Variants in PREX2 observed in about 807,000 individuals in gnomAD.
The protein encoded by PREX2 is phosphatidylinositol 3,4,5-trisphosphate-dependent Rac exchanger 2 protein.
PREX2 carries 107 observed loss-of-function variants against 203.2 expected under a neutral mutation model. The observed-to-expected ratio is 0.53, with a 90% CI of 0.45 to 0.62. The LOEUF (loss-of-function observed/expected upper bound fraction) is 0.62, where lower values mean the gene tolerates loss of function less well. PREX2 is among the 20% of genes least tolerant of loss of function. The pLI is 0.00. For synonymous variants in PREX2, 672 were observed against 663.6 expected (o/e 1.01, Z -0.19); for missense variants, 1,777 against 1,955.9 (o/e 0.91, Z 1.72).
Position 68,099,731 on chromosome 8 carries a change from C to T in PREX2, c.2603C>T (p.Thr868Ile), listed in dbSNP as rs756096317. The change falls in exon 23 of 40, where the codon ACC (threonine) becomes ATC (isoleucine). Residue 868 changes from threonine (T) to isoleucine (I), a missense_variant. By Grantham distance (89) the Thr-to-Ile change is moderately conservative. Transcript: ENST00000288368. ...GATGAGCATTTTGTACAAAACTGTACCAGCCTAAATTCTCTAAATGAAGTG... is the reference window on the plus strand; with the variant it reads ...GATGAGCATTTTGTACAAAACTGTATCAGCCTAAATTCTCTAAATGAAGTG... ...KSDEHFVQNC[T>I]SLNSLNEVIP... 4.5e-5 allele frequency: 72 copies of T among 1,613,690 alleles called. No individual in the cohort carries two copies. The highest frequency in any genetic ancestry group is 2.0e-4 in the Admixed American group (12 of 59,972).
In PREX2 at chr8:68,234,699, G is replaced by A. The variant is rs1813232992; in HGVS notation, c.*3321G>A. On this transcript the variant is annotated 3_prime_UTR_variant, in exon 40 of 40. Transcript: ENST00000288368. Reference sequence around the variant, plus strand: ...TATTTTATCAGTTCGCAAATCTGAAGTCTCATACTGTTTTCTGTCTCTTTA... The same window carrying A: ...TATTTTATCAGTTCGCAAATCTGAAATCTCATACTGTTTTCTGTCTCTTTA... 1 of 152,016 alleles carries A rather than the reference G, an allele frequency of 6.6e-6. No homozygotes were observed. The highest frequency in any genetic ancestry group is 2.1e-4 in the South Asian group (1 of 4,814). The allele number at this position is 152,016 out of a possible 1,614,324, so 9.4% of individuals were successfully genotyped here.
At chr8:68,098,864 A>G (rs969984464) in intron 22 of PREX2, among the ~76,000 whole-genome samples, 1 of 150,224 alleles carries the variant, frequency 6.7e-6, no homozygotes, top group Non-Finnish European at 1.5e-5. Context: ...TTCACAGAAT[A>G]TTATAAAATA....
At chr8:68,010,359 A>G (rs528544089) in intron 1 of PREX2, among the ~76,000 whole-genome samples, 255 of 152,266 alleles carry the variant, frequency 1.7e-3, no homozygotes, top group Non-Finnish European at 3.0e-3. Context: ...AGTCTGTTGG[A>G]TTGATTTACT....
At chr8:68,082,184 G>C (rs913388053) in intron 17 of PREX2, 1 of 152,152 alleles carries the variant, frequency 6.6e-6, no homozygotes, top group African/African-American at 2.4e-5. Context: ...TGTAGCCCAG[G>C]TATATCTAGT....
intron 1 of PREX2, among the ~76,000 whole-genome samples, chr8:68,014,056 T>C (rs907470164): frequency 1.3e-5 from 2 of 152,196 alleles, no homozygotes; most frequent in African/African-American, 4.8e-5. Flanking sequence ...GTTGAAATTA[T>C]AAAATAAGAA....
chr8:68,155,528 C>T (rs1811527300), intron 34 of PREX2, among the ~76,000 whole-genome samples: 1 of 152,068 alleles, frequency 6.6e-6, no homozygotes, highest in Admixed American at 6.6e-5. Context: ...TCCTATTTCC[C>T]CCCCTCAAAA....
At chr8:68,019,709 C>G (rs956385451) in intron 3 of PREX2, 38 bp downstream of exon 3, 1 of 1,577,006 alleles carries the variant, frequency 6.3e-7, no homozygotes, top group Non-Finnish European at 8.6e-7. Flanking sequence ...AGTTCTTTTC[C>G]CCTAGATTTT....
chr8:68,212,982 C>T (rs1432997396), intron 37 of PREX2, among the ~76,000 whole-genome samples: 1 of 152,128 alleles, frequency 6.6e-6, no homozygotes, highest in African/African-American at 2.4e-5. Flanking sequence ...ATTTCCCATC[C>T]TGGGGGCCTC....
In PREX2 at chr8:68,161,413, C is replaced by G. The variant is rs1327543840; in HGVS notation, c.4346+3977C>G. Among the ~76,000 whole-genome samples, 5 of 152,082 alleles carry G rather than the reference C, an allele frequency of 3.3e-5. No individual in the cohort carries two copies. The South Asian group carries it at 1.0e-3, about 32-fold the overall frequency. On this transcript the variant is annotated intron_variant, in intron 35 of 39. Coordinates refer to ENST00000288368, the MANE Select transcript of PREX2 (RefSeq NM_024870.4). ...TGGCCTAAAATTTTCTATTAGAGAGCAGAACAATGCTCTAAGAAAACCCTG... is the reference window on the plus strand; with the variant it reads ...TGGCCTAAAATTTTCTATTAGAGAGGAGAACAATGCTCTAAGAAAACCCTG...
At chr8:68,052,121 C>G (rs1209032822) in intron 8 of PREX2, among the ~76,000 whole-genome samples, 5 of 152,276 alleles carry the variant, frequency 3.3e-5, no homozygotes, top group South Asian at 4.1e-4. Context: ...CAAAGTGCCA[C>G]AAAGTCATTT....
intron 1 of PREX2, among the ~76,000 whole-genome samples, chr8:67,966,284 AATTGCCTATAGTTTT>A (rs1323074593): frequency 6.6e-6 from 1 of 152,192 alleles, no homozygotes; most frequent in Non-Finnish European, 1.5e-5. Flanking sequence ...AAAGAAAATA[AATTGCCTATAGTTTT>A]ACTATGTTGT....
At position 68,069,820 on chromosome 8, in the gene PREX2, C is replaced by T. The variant is rs868827028; in HGVS notation, c.1444-15C>T. ...GTAATCTCACTTGTTTTTGATATAT[C>T]TCTATTTTACGTAGGGTGTAAGATT... is the stretch of plus-strand genomic sequence containing the variant. On this transcript the variant is annotated splice_polypyrimidine_tract_variant and intron_variant, in intron 12 of 39. Coordinates refer to ENST00000288368, the MANE Select transcript of PREX2 (RefSeq NM_024870.4). The T allele has an allele frequency of 7.1e-7, 1 of 1,400,308 alleles. No homozygotes were observed. The highest frequency in any genetic ancestry group is 9.9e-7 in the Non-Finnish European group (1 of 1,007,186). The allele number at this position is 1,400,308 out of a possible 1,614,324, so 86.7% of individuals were successfully genotyped here.
intron 23 of PREX2, 70 bp from the exon 24 acceptor site, chr8:68,108,039 C>A: frequency 1.1e-6 from 1 of 942,606 alleles, no homozygotes; most frequent in Non-Finnish European, 1.6e-6. Context: ...GTGAATGATG[C>A]AAGTGAAAAA....
At chr8:68,105,264 C>T (rs753381651) in intron 23 of PREX2, 6 of 1,367,686 alleles carry the variant, frequency 4.4e-6, no homozygotes, top group South Asian at 1.1e-5. Flanking sequence ...CCTGCTGCCT[C>T]CTCCTCTCTT....
intron 23 of PREX2, chr8:68,106,366 T>A (rs745953655): frequency 2.0e-6 from 1 of 510,510 alleles, no homozygotes; most frequent in Admixed American, 2.0e-5. Context: ...ATTAGTAAAG[T>A]GATGGGATAG....
chr8:68,099,943 G>A (rs1172192623), intron 23 of PREX2, 100 bp downstream of exon 23: 2 of 1,096,934 alleles, frequency 1.8e-6, no homozygotes, highest in East Asian at 2.4e-5. Context: ...TATTTGTTAG[G>A]TACCATTTTA....
At chr8:68,223,544 T>C (rs924866328) in intron 38 of PREX2, 2 of 152,216 alleles carry the variant, frequency 1.3e-5, no homozygotes, top group African/African-American at 4.8e-5. Flanking sequence ...TTTTTTTCCT[T>C]CTTTTTATCT....
intron 1 of PREX2, among the ~76,000 whole-genome samples, chr8:68,008,741 A>G (rs760209539): frequency 2.0e-5 from 3 of 152,084 alleles, no homozygotes; most frequent in Non-Finnish European, 2.9e-5. Context: ...TGTGATAGTG[A>G]ATAAATCTCA....
chr8:68,078,882 T>A (rs1809430841), intron 15 of PREX2, among the ~76,000 whole-genome samples: 1 of 152,214 alleles, frequency 6.6e-6, no homozygotes, highest in Admixed American at 6.5e-5. Flanking sequence ...AGTCTGACAG[T>A]AAAGCATGAA....
Sources: allele counts gnomAD v4.1 joint callset (sites outside exome capture counted in the v4.1 genomes callset), GRCh38; gene constraint gnomAD v4.1.1; transcripts MANE v1.5; gene names NCBI Gene and HGNC (gene_info 2026-07-23, HGNC 2026-07-21).